Variants in USP32 observed in about 807,000 individuals in gnomAD.
The protein encoded by USP32 is ubiquitin carboxyl-terminal hydrolase 32.
Under a neutral mutation model 204.8 loss-of-function variants are expected in USP32, and 59 were observed. That is an observed-to-expected ratio of 0.29 (90% CI 0.23 to 0.36). USP32 has a LOEUF of 0.36. Ranked by LOEUF, USP32 falls within the 10% of genes least tolerant of loss-of-function variation. The pLI, the probability that USP32 is intolerant of heterozygous loss-of-function variation, is 1.00. For synonymous variants in USP32, 517 were observed against 678.4 expected, an observed-to-expected ratio of 0.76 and a Z score of 3.70; for missense variants, 1,160 against 1,946.4, an observed-to-expected ratio of 0.60 and a Z score of 7.60.
chr17:60,396,471 C>G (rs1209236515), upstream of USP32, among the ~76,000 whole-genome samples: 2 of 152,164 alleles, frequency 1.3e-5, no homozygotes, highest in African/African-American at 4.8e-5. Context: ...GAAAGAATGA[C>G]TAAAAATACG....
chr17:60,237,290 G>A (rs1024696767), intron 11 of USP32, among the ~76,000 whole-genome samples: 7 of 147,440 alleles, frequency 4.7e-5, no homozygotes, highest in African/African-American at 1.6e-4. Flanking sequence ...ACAGGTGTGT[G>A]CTATGCCCAG....
intron 1 of USP32, among the ~76,000 whole-genome samples, chr17:60,361,455 T>C (rs1351426181): frequency 6.6e-6 from 1 of 152,212 alleles, no homozygotes; most frequent in African/African-American, 2.4e-5. Context: ...TTACTGTTCA[T>C]ATTTAGGCTG....
intron 12 of USP32, among the ~76,000 whole-genome samples, chr17:60,232,530 T>C (rs1308598459): frequency 6.8e-6 from 1 of 146,356 alleles, no homozygotes; most frequent in Non-Finnish European, 1.5e-5. Flanking sequence ...CCACATGGAC[T>C]GGAAAGAGAA....
intron 1 of USP32, among the ~76,000 whole-genome samples, chr17:60,389,494 G>A (rs1010008495): frequency 6.6e-6 from 1 of 151,418 alleles, no homozygotes; most frequent in Middle Eastern, 3.2e-3. Context: ...AGTGAGCCAA[G>A]ATCACGCCAC....
chr17:60,247,641 G>A (rs545530641), intron 11 of USP32, among the ~76,000 whole-genome samples: 5 of 151,484 alleles, frequency 3.3e-5, no homozygotes, highest in Non-Finnish European at 7.4e-5. Context: ...AGAGTTGGTT[G>A]TAAATGTGGG....
At chr17:60,365,928 T>C (rs970715519) in intron 1 of USP32, among the ~76,000 whole-genome samples, 2 of 152,144 alleles carry the variant, frequency 1.3e-5, no homozygotes, top group African/African-American at 4.8e-5. Context: ...ATGTGGGGTT[T>C]TTCGGTTCAT....
At chr17:60,394,721 A>G (rs1030191408), upstream of USP32, among the ~76,000 whole-genome samples, 17 of 152,020 alleles carry the variant, frequency 1.1e-4, no homozygotes, top group Admixed American at 7.9e-4. Flanking sequence ...TGTACTGAAT[A>G]CTGTAGGTAA....
rs752551957 is a variant in USP32, at chr17:60,255,250, A to T, written c.999T>A (p.His333Gln). The T allele has an allele frequency of 1.9e-6, 3 of 1,604,334 alleles. No homozygotes were observed. Among genetic ancestry groups the T allele is most frequent in the Middle Eastern group, 1.7e-4 (1 of 6,020 alleles). ...AGATCTGATAGTCTTCCAGAGTAAG[A>T]TGACCCATCTGAAACAGAGACACTC... ...LNAHDTTKMGHLTLEDYQIWS... is the reference protein window; with the variant it reads ...LNAHDTTKMGQLTLEDYQIWS... The change falls in exon 10 of 34, where the codon CAT (histidine) becomes CAA (glutamine). Residue 333 changes from histidine (H) to glutamine (Q), a missense_variant. Physicochemically the swap from His to Gln is conservative, Grantham distance 24. This residue lies in a region of USP32 where 536 missense variants were observed against 680.9 expected (regional missense o/e 0.79). Coordinates refer to ENST00000300896, the MANE Select transcript of USP32 (RefSeq NM_032582.4).
intron 5 of USP32, among the ~76,000 whole-genome samples, chr17:60,280,419 T>C (rs183300062): frequency 1.3e-5 from 2 of 152,312 alleles, no homozygotes; most frequent in East Asian, 3.9e-4. Context: ...TTAATTATTC[T>C]AAGTCTGTAC....
chr17:60,324,793 G>A (rs903895043), intron 2 of USP32, among the ~76,000 whole-genome samples: 2 of 150,852 alleles, frequency 1.3e-5, no homozygotes, highest in African/African-American at 4.9e-5. Context: ...ATCTGAGGTC[G>A]GGAGTTCGAG....
intron 1 of USP32, among the ~76,000 whole-genome samples, chr17:60,378,746 G>A (rs2089596326): frequency 6.6e-6 from 1 of 152,030 alleles, no homozygotes; most frequent in Admixed American, 6.6e-5. Context: ...CATAAAAACA[G>A]AAAGTAGAAT....
At position 60,178,759 on chromosome 17, in the gene USP32, T is replaced by C. The variant is rs528855988; in HGVS notation, c.*496A>G. On this transcript the variant is annotated 3_prime_UTR_variant, in exon 34 of 34. Transcript: ENST00000300896. ...TCCTCGTCCATGCCTTAAGAATCAT[T>C]TGCACACCTTCGTGATCTTGCTTTC... Among the ~76,000 whole-genome samples, 8 of 152,222 alleles carry C rather than the reference T, an allele frequency of 5.3e-5. No homozygotes were observed. The highest frequency in any genetic ancestry group is 1.2e-4 in the Non-Finnish European group (8 of 68,040).
At chr17:60,312,275 T>C (rs2087871839) in intron 2 of USP32, among the ~76,000 whole-genome samples, 1 of 152,214 alleles carries the variant, frequency 6.6e-6, no homozygotes, top group African/African-American at 2.4e-5. Flanking sequence ...CTCATAACTT[T>C]TGCTTGAAAA....
At chr17:60,375,257 C>CA (rs905939562) in intron 1 of USP32, among the ~76,000 whole-genome samples, 1 of 152,082 alleles carries the variant, frequency 6.6e-6, no homozygotes, top group African/African-American at 2.4e-5. Flanking sequence ...AATGTTTTGA[C>CA]AAAAAATTTT....
chr17:60,279,809 C>T (rs1457389715), intron 5 of USP32, among the ~76,000 whole-genome samples: 2 of 151,048 alleles, frequency 1.3e-5, no homozygotes, highest in Non-Finnish European at 2.9e-5. Context: ...TGCACTCCAG[C>T]CTGGGCAACA....
At chr17:60,421,105 C>A (rs962687111) in intron 1 of USP32, 29 of 152,676 alleles carry the variant, frequency 1.9e-4, no homozygotes, top group Admixed American at 2.0e-4. Flanking sequence ...CCAGTAGGAA[C>A]GTATGTAAAG....
At position 60,302,109 on chromosome 17, in the gene USP32, GTTTGTTTA is replaced by G. The variant is rs1443407318; in HGVS notation, c.187-413_187-406del. Among the ~76,000 whole-genome samples, 114 of 130,378 alleles carry G rather than the reference GTTTGTTTA, an allele frequency of 8.7e-4. 1 individual carries two copies. Among genetic ancestry groups the G allele is most frequent in the African/African-American group, 2.2e-3 (84 of 37,948 alleles). 85.5% of individuals were successfully genotyped at this position (130,378 alleles called of 152,430 possible). Reference sequence around the variant, plus strand: ...CTGAGCACATATATATAAATATTTTGTTTGTTTATTTATTTATTTATTTATTTATTTAT... The same window carrying G: ...CTGAGCACATATATATAAATATTTTGTTTATTTATTTATTTATTTATTTAT... On this transcript the variant is annotated intron_variant, in intron 2 of 33. Coordinates refer to ENST00000300896, the MANE Select transcript of USP32 (RefSeq NM_032582.4).
In USP32 at chr17:60,208,062, T is replaced by C. The variant is rs2084873518; in HGVS notation, c.2922A>G (p.Ile974Met). 6.4e-7 allele frequency: 1 copy of C among 1,556,256 alleles called. No individual in the cohort carries two copies. The highest frequency in any genetic ancestry group is 8.7e-7 in the Non-Finnish European group (1 of 1,153,102). The change falls in exon 24 of 34, where the codon ATA becomes ATG. Residue 974 changes from isoleucine (I) to methionine (M), a missense_variant. Transcript: ENST00000300896. The stretch of plus-strand genomic sequence containing the variant: ...TTCTTAGAGTAGTTAATATTACCTT[T>C]ATGTTGGAACCATGTACTTCTGCTA... ...ILLAEVHGSNIKNFPQDNQKV... is the reference protein window; with the variant it reads ...ILLAEVHGSNMKNFPQDNQKV...
At chr17:60,356,139 T>G (rs1352467771) in intron 1 of USP32, among the ~76,000 whole-genome samples, 8 of 152,208 alleles carry the variant, frequency 5.3e-5, no homozygotes, top group Non-Finnish European at 1.0e-4. Flanking sequence ...TTGATCTGGC[T>G]TTGAGTTCAC....
Sources: gnomAD v4.1 joint callset for allele counts (sites outside exome capture counted in the v4.1 genomes callset) on GRCh38, gnomAD v4.1.1 for gene constraint, gnomAD v4.1.1 regional missense constraint, MANE v1.5 for transcripts, NCBI Gene and HGNC (gene_info 2026-07-23, HGNC 2026-07-21) for gene names.